The following NUCB2 variants were observed in gnomAD, a reference collection of about 807,000 sequenced individuals.
NUCB2 encodes the protein nucleobindin-2.
NUCB2 carries 48 observed loss-of-function variants against 57.9 expected under a neutral mutation model. The ratio of observed to expected loss-of-function variants is 0.83; its 90% CI spans 0.66 to 1.05. The LOEUF (loss-of-function observed/expected upper bound fraction) is 1.05. NUCB2 is among the 50% of genes least tolerant of loss of function. The pLI, the probability that NUCB2 is intolerant of heterozygous loss-of-function variation, is 0.00. For missense variants in NUCB2, 442 were observed against 476.2 expected (o/e 0.93, Z 0.67); for synonymous variants, 139 against 152.1 (o/e 0.91, Z 0.64).
intron 2 of NUCB2, among the ~76,000 whole-genome samples, chr11:17,347,411 T>A (rs1226221242): frequency 1.3e-5 from 2 of 152,188 alleles, no homozygotes; most frequent in Non-Finnish European, 2.9e-5. Flanking sequence ...ATATTTTCCT[T>A]TCACAAATTC....
chr11:17,327,137 T>C (rs758884527), intron 11 of NUCB2, among the ~76,000 whole-genome samples: 2 of 152,174 alleles, frequency 1.3e-5, no homozygotes, highest in Non-Finnish European at 2.9e-5. Context: ...CTTGGCTCAC[T>C]GCAACTTCTG....
At position 17,331,471 on chromosome 11, in the gene NUCB2, T is replaced by A; in HGVS notation, c.*52T>A. 1.6e-6 allele frequency: 2 copies of A among 1,255,056 alleles called. No individual in the cohort carries two copies. The highest frequency in any genetic ancestry group is 2.1e-6 in the Non-Finnish European group (2 of 934,854). The allele number at this position is 1,255,056 out of a possible 1,614,324, so 77.7% of individuals were successfully genotyped here. On this transcript the variant is annotated 3_prime_UTR_variant, in exon 14 of 14. Transcript: ENST00000529010. Reference sequence around the variant, plus strand: ...GAAAGCTGTTAACTCAACATCTATTTCATCTTTTTAGCTCCCTTCCTTTTT... The same window carrying A: ...GAAAGCTGTTAACTCAACATCTATTACATCTTTTTAGCTCCCTTCCTTTTT...
intron 2 of NUCB2, among the ~76,000 whole-genome samples, chr11:17,344,701 G>A (rs1952578619): frequency 6.6e-6 from 1 of 152,122 alleles, no homozygotes; most frequent in South Asian, 2.1e-4. Flanking sequence ...TTAAGACTAG[G>A]TGACTATATT....
chr11:17,346,785 A>G (rs1952776859), intron 2 of NUCB2, among the ~76,000 whole-genome samples: 2 of 152,388 alleles, frequency 1.3e-5, no homozygotes, highest in South Asian at 4.1e-4. Context: ...TAACATTGAT[A>G]CAATTCTATA....
intron 2 of NUCB2, among the ~76,000 whole-genome samples, chr11:17,290,279 T>C (rs1944698695): frequency 6.6e-6 from 1 of 152,234 alleles, no homozygotes; most frequent in Non-Finnish European, 1.5e-5. Flanking sequence ...TGAAGATATT[T>C]ACAATGACAA....
intron 2 of NUCB2, among the ~76,000 whole-genome samples, chr11:17,343,619 G>A (rs1952473529): frequency 6.6e-6 from 1 of 152,002 alleles, no homozygotes; most frequent in South Asian, 2.1e-4. Flanking sequence ...TCTGTTCTTG[G>A]TGTGACAACT....
At chr11:17,314,380 T>C (rs188434403) in intron 10 of NUCB2, among the ~76,000 whole-genome samples, 22 of 152,312 alleles carry the variant, frequency 1.4e-4, no homozygotes, top group African/African-American at 5.3e-4. Context: ...GCTTGCAATT[T>C]CCCTTGTAAT....
intron 2 of NUCB2, among the ~76,000 whole-genome samples, chr11:17,290,767 A>G (rs989441117): frequency 6.6e-6 from 1 of 152,176 alleles, no homozygotes; most frequent in Non-Finnish European, 1.5e-5. Context: ...ATCATTGAGA[A>G]CATAGAAAAT....
rs545740935 is a variant in NUCB2, at chr11:17,324,590, C to T, written c.1003-5537C>T. On this transcript the variant is annotated intron_variant, in intron 11 of 13. Transcript: ENST00000529010. ...CTGGAATTACAGGTGCATGCCACCA[C>T]GCCCAGCTAACTTCTGTATTTTTAG... Among the ~76,000 whole-genome samples the T allele has an allele frequency of 2.4e-3, 363 of 152,078 alleles. 2 individuals are homozygous for T. The highest frequency in any genetic ancestry group is 8.1e-3 in the African/African-American group (335 of 41,470).
At chr11:17,324,248 T>C (rs1371434489) in intron 11 of NUCB2, among the ~76,000 whole-genome samples, 1 of 152,030 alleles carries the variant, frequency 6.6e-6, no homozygotes. Context: ...GTATGTTGTA[T>C]TTCCATTATC....
chr11:17,323,792 A>G (rs1416731624), intron 11 of NUCB2, among the ~76,000 whole-genome samples: 2 of 152,094 alleles, frequency 1.3e-5, no homozygotes, highest in Non-Finnish European at 2.9e-5. Context: ...TCCGAATTCA[A>G]TCTTGGTAGT....
At position 17,288,955 on chromosome 11, in the gene NUCB2, A is replaced by ATTTT. The variant is rs1944430718; in HGVS notation, c.-1+6013_-1+6014insTTTT. On this transcript the variant is annotated intron_variant, in intron 2 of 13. Coordinates refer to ENST00000529010, the MANE Select transcript of NUCB2 (RefSeq NM_005013.4). Reference sequence around the variant, plus strand: ...CACACACACACACACACACACATATATATATATATTTTTTTTTTTTGAGAT... The same window carrying ATTTT: ...CACACACACACACACACACACATATATTTTTATATATATTTTTTTTTTTTGAGAT... Among the ~76,000 whole-genome samples, 5 of 59,278 alleles carry ATTTT rather than the reference A, an allele frequency of 8.4e-5. 1 individual carries two copies. The highest frequency in any genetic ancestry group is 5.0e-4 in the African/African-American group (5 of 10,014). The allele number at this position is 59,278 out of a possible 152,430, so 38.9% of individuals were successfully genotyped here. A position where few individuals can be genotyped will look rare whatever the true frequency, so the allele number is the denominator to read the frequency against.
chr11:17,304,883 C>T (rs540163527), intron 5 of NUCB2, among the ~76,000 whole-genome samples: 10 of 152,274 alleles, frequency 6.6e-5, no homozygotes, highest in Admixed American at 5.2e-4. Flanking sequence ...TGGGAAGACA[C>T]AATAACTTTT....
At chr11:17,324,412 G>T (rs566642182) in intron 11 of NUCB2, among the ~76,000 whole-genome samples, 20 of 152,120 alleles carry the variant, frequency 1.3e-4, no homozygotes, top group African/African-American at 4.6e-4. Context: ...GGTCAGAGAA[G>T]ATGCTTGCTA....
In NUCB2 at chr11:17,319,017, A is replaced by C. The variant is rs537127701; in HGVS notation, c.1002+3542A>C. 1.3e-3 allele frequency among the ~76,000 whole-genome samples: 193 copies of C among 152,316 alleles called. 1 individual carries two copies. The highest frequency in any genetic ancestry group is 4.5e-3 in the African/African-American group (186 of 41,558). On this transcript the variant is annotated intron_variant, in intron 11 of 13. Transcript: ENST00000529010. ...GAGACCCTGTCTCTAAAAAGAAAAA[A>C]AAAATTTTTTTAAAATACTTTGAGA...
intron 11 of NUCB2, among the ~76,000 whole-genome samples, chr11:17,323,457 T>C (rs887746214): frequency 6.6e-6 from 1 of 152,214 alleles, no homozygotes. Flanking sequence ...TAATGTATTG[T>C]TGAACTCAGT....
intron 2 of NUCB2, among the ~76,000 whole-genome samples, chr11:17,339,458 G>A (rs1383127712): frequency 4.6e-5 from 7 of 151,332 alleles, no homozygotes; most frequent in African/African-American, 9.7e-5. Flanking sequence ...CCATTAACTC[G>A]TCATTTAACA....
At chr11:17,336,753 CAAAAAAAAAAAAAA>C (rs71047542), downstream of NUCB2, among the ~76,000 whole-genome samples, 4 of 47,414 alleles carry the variant, frequency 8.4e-5, no homozygotes, top group Admixed American at 4.1e-4. Context: ...GACTCCGTCT[CAAAAAAAAAAAAAA>C]AAAAAAAAAA....
rs1275916158 is a variant in NUCB2, at chr11:17,282,904, A to G, written c.-40A>G. On this transcript the variant is annotated 5_prime_UTR_variant, in exon 2 of 14. Coordinates refer to ENST00000529010, the MANE Select transcript of NUCB2 (RefSeq NM_005013.4). ...TACCTCTCTGGATCTCAGTTGTCTC[A>G]TCTGTAAAAAGGAGATAAAAATTAT... The G allele has an allele frequency of 2.0e-5, 3 of 152,048 alleles. No homozygotes were observed. The highest frequency in any genetic ancestry group is 2.0e-4 in the Admixed American group (3 of 15,246). The allele number at this position is 152,048 out of a possible 1,614,324, so 9.4% of individuals were successfully genotyped here. A position where few individuals can be genotyped will look rare whatever the true frequency, so the allele number is the denominator to read the frequency against.
Sources: gnomAD v4.1 joint callset for allele counts (sites outside exome capture counted in the v4.1 genomes callset) on GRCh38, gnomAD v4.1.1 for gene constraint, MANE v1.5 for transcripts, NCBI Gene and HGNC (gene_info 2026-07-23, HGNC 2026-07-21) for gene names.